Variants in TSHB observed in about 807,000 individuals in gnomAD.
TSHB encodes thyrotropin subunit beta.
A neutral mutation model predicts 9.3 loss-of-function variants in TSHB; 9 were observed. The ratio of observed to expected loss-of-function variants is 0.97; its 90% CI spans 0.58 to 1.69. TSHB has a LOEUF of 1.69. Among genes scored for constraint, TSHB ranks in the 40% most tolerant of loss-of-function variants. TSHB has a pLI of 0.00. For missense variants in TSHB, 182 were observed against 168.5 expected, an observed-to-expected ratio of 1.08 and a Z score of -0.44; for synonymous variants, 57 against 57.2, an observed-to-expected ratio of 1.00 and a Z score of 0.01.
At chr1:115,030,768 A>C (rs911739231) in intron 1 of TSHB, among the ~76,000 whole-genome samples, 1 of 152,054 alleles carries the variant, frequency 6.6e-6, no homozygotes, top group Non-Finnish European at 1.5e-5. Flanking sequence ...GATGACAATG[A>C]GGAAGAAATT....
In TSHB at chr1:115,031,363, AC is replaced by A. The variant is rs1674891297; in HGVS notation, c.-2+1504del. Among the ~76,000 whole-genome samples, 12 of 152,108 alleles carry A rather than the reference AC, an allele frequency of 7.9e-5. No individual in the cohort carries two copies. In the South Asian group the frequency reaches 2.5e-3, roughly 32 times the overall value. ...GAAAACCAAAACAAATTTTCATCCT[AC>A]ATTTTAAAAAGGGTCAGGTGTACTT... is the stretch of plus-strand genomic sequence containing the variant. On this transcript the variant is annotated intron_variant, in intron 1 of 2. Coordinates refer to ENST00000256592, the MANE Select transcript of TSHB (RefSeq NM_000549.5).
chr1:115,030,739 T>G (rs1479151621), intron 1 of TSHB, among the ~76,000 whole-genome samples: 2 of 152,002 alleles, frequency 1.3e-5, no homozygotes, highest in Non-Finnish European at 2.9e-5. Flanking sequence ...AGCAATTAAG[T>G]GGCAAAGATG....
Position 115,034,077 on chromosome 1 carries a change from C to T in TSHB, c.267C>T (p.Leu89=), listed in dbSNP as rs1390726604. Residue 89 remains leucine (L), a synonymous_variant, in exon 3 of 3, where the codon CTC becomes CTT. Transcript: ENST00000256592. ...YRTVEIPGCP[L]HVAPYFSYPV... ...CTGTAGAAATACCAGGATGCCCACTCCATGTTGCTCCCTATTTTTCCTATC... is the reference window on the plus strand; with the variant it reads ...CTGTAGAAATACCAGGATGCCCACTTCATGTTGCTCCCTATTTTTCCTATC... The T allele has an allele frequency of 5.0e-6, 8 of 1,613,716 alleles. No homozygotes were observed. The highest frequency in any genetic ancestry group is 6.8e-6 in the Non-Finnish European group (8 of 1,179,808).
At position 115,033,404 on chromosome 1, in the gene TSHB, A is replaced by T; in HGVS notation, c.42A>T (p.Thr14=). The T allele has an allele frequency of 6.2e-7, 1 of 1,613,282 alleles. No individual in the cohort carries two copies. Among genetic ancestry groups the T allele is most frequent in the Non-Finnish European group, 8.5e-7 (1 of 1,179,436 alleles). ...LFLMSMLFGL[T]CGQAMSFCIP... Reference sequence around the variant, plus strand: ...TGATGTCCATGCTTTTTGGCCTTACATGTGGGCAAGCGATGTCTTTTTGTA... The same window carrying T: ...TGATGTCCATGCTTTTTGGCCTTACTTGTGGGCAAGCGATGTCTTTTTGTA... The change falls in exon 2 of 3, where the codon ACA becomes ACT. Residue 14 remains threonine (T), a synonymous_variant. Coordinates refer to ENST00000256592, the MANE Select transcript of TSHB (RefSeq NM_000549.5).
chr1:115,033,973 G>A lies in TSHB; in HGVS notation c.163G>A (p.Asp55Asn). ...TICAGYCMTR[D>N]INGKLFLPKY... The stretch of plus-strand genomic sequence containing the variant: ...GCTCTCTTTTCTGTTCTTTCCCCAG[G>A]ATATCAATGGCAAACTGTTTCTTCC... Residue 55 changes from aspartate to asparagine, a missense_variant and splice_region_variant, in exon 3 of 3, where the codon GAT becomes AAT. Asp to Asn is a conservative substitution (Grantham distance 23). Coordinates refer to ENST00000256592, the MANE Select transcript of TSHB (RefSeq NM_000549.5). 6.2e-7 allele frequency: 1 copy of A among 1,613,122 alleles called. No individual in the cohort carries two copies. Among genetic ancestry groups the A allele is most frequent in the Non-Finnish European group, 8.5e-7 (1 of 1,179,612 alleles).
chr1:115,032,336 G>A (rs1288917273), intron 1 of TSHB, among the ~76,000 whole-genome samples: 1 of 151,928 alleles, frequency 6.6e-6, no homozygotes, highest in Non-Finnish European at 1.5e-5. Flanking sequence ...GAACCTATGA[G>A]GTTTCAGTTT....
Position 115,033,509 on chromosome 1 carries a change from A to G in TSHB, c.147A>G (p.Gly49=). 1 of 1,613,144 alleles carries G rather than the reference A, an allele frequency of 6.2e-7. No homozygotes were observed. The highest frequency in any genetic ancestry group is 8.5e-7 in the Non-Finnish European group (1 of 1,179,198). ...CLTINTTICA[G]YCMTRDINGK... ...CCATCAACACCACCATCTGTGCTGG[A>G]TATTGTATGACACGGGTATGTAGTT... Residue 49 remains glycine (G), a synonymous_variant, in exon 2 of 3, where the codon GGA becomes GGG. Transcript: ENST00000256592.
intron 2 of TSHB, 143 bp downstream of exon 2, chr1:115,033,667 A>T: frequency 1.2e-6 from 1 of 835,622 alleles, no homozygotes; most frequent in South Asian, 1.4e-5. Flanking sequence ...CAGAGTACAC[A>T]GGTTACAATA....
chr1:115,030,286 A>G (rs1674868259), intron 1 of TSHB, among the ~76,000 whole-genome samples: 1 of 152,022 alleles, frequency 6.6e-6, no homozygotes, highest in African/African-American at 2.4e-5. Context: ...TGCTGGGGTA[A>G]TGTACTCTGT....
intron 1 of TSHB, 107 bp from the exon 2 acceptor site, chr1:115,033,255 T>C: frequency 1.0e-6 from 1 of 998,308 alleles, no homozygotes; most frequent in East Asian, 2.5e-5. Context: ...ATTATAAGCA[T>C]GATCATATGC....
At chr1:115,030,787 T>C (rs974553925) in intron 1 of TSHB, among the ~76,000 whole-genome samples, 3 of 152,020 alleles carry the variant, frequency 2.0e-5, no homozygotes, top group South Asian at 2.1e-4. Context: ...TTGTGGCATA[T>C]CACAGAGGAA....
At position 115,034,296 on chromosome 1, in the gene TSHB, C is replaced by A; in HGVS notation, c.*69C>A. ...TAAAGCTAATAAAAATATTATGTTT[C>A]ACATTATCTTCTGTTCATTTTGAGT... On this transcript the variant is annotated 3_prime_UTR_variant, in exon 3 of 3. Transcript: ENST00000256592. The A allele has an allele frequency of 6.6e-7, 1 of 1,520,034 alleles. No individual in the cohort carries two copies. The highest frequency in any genetic ancestry group is 9.1e-7 in the Non-Finnish European group (1 of 1,097,076). The allele number at this position is 1,520,034 out of a possible 1,614,324, so 94.2% of individuals were successfully genotyped here.
chr1:115,033,565 A>G, intron 2 of TSHB, 41 bp downstream of exon 2: 1 of 1,539,130 alleles, frequency 6.5e-7, no homozygotes, highest in Non-Finnish European at 9.0e-7. Context: ...TAAATTATAT[A>G]AGCCCTGAAG....
rs1674940918 is a variant in TSHB, at chr1:115,033,514, G to A, written c.152G>A (p.Cys51Tyr). 2 of 1,612,900 alleles carry A rather than the reference G, an allele frequency of 1.2e-6. No homozygotes were observed. The highest frequency in any genetic ancestry group is 1.7e-5 in the Admixed American group (1 of 59,962). ...TINTTICAGY[C>Y]MTRDINGKLF... ...AACACCACCATCTGTGCTGGATATT[G>A]TATGACACGGGTATGTAGTTCATGT... The change falls in exon 2 of 3, where the codon TGT becomes TAT. Residue 51 changes from cysteine (C) to tyrosine (Y), a missense_variant. Cys to Tyr is a radical substitution (Grantham distance 194, BLOSUM62 -2). Transcript: ENST00000256592.
chr1:115,033,555 T>C (rs538941707), intron 2 of TSHB, 31 bp downstream of exon 2: 1 of 1,576,500 alleles, frequency 6.3e-7, no homozygotes, highest in Admixed American at 1.7e-5. Flanking sequence ...CTTTTGGCTG[T>C]AAATTATATA....
chr1:115,033,961 T>C lies in TSHB; in HGVS notation c.163-12T>C. ...CTGTCACATTATGCTCTCTTTTCTG[T>C]TCTTTCCCCAGGATATCAATGGCAA... On this transcript the variant is annotated splice_polypyrimidine_tract_variant and intron_variant, in intron 2 of 2. Coordinates refer to ENST00000256592, the MANE Select transcript of TSHB (RefSeq NM_000549.5). 1 of 1,612,852 alleles carries C rather than the reference T, an allele frequency of 6.2e-7. No individual in the cohort carries two copies. The highest frequency in any genetic ancestry group is 1.7e-4 in the Middle Eastern group (1 of 6,060).
intron 2 of TSHB, 35 bp downstream of exon 2, chr1:115,033,559 T>A (rs778795849): frequency 6.4e-7 from 1 of 1,570,594 alleles, no homozygotes; most frequent in South Asian, 1.1e-5. Context: ...TGGCTGTAAA[T>A]TATATAAGCC....
chr1:115,033,304 G>C lies in TSHB; in HGVS notation c.-1-58G>C, dbSNP rs1312729325. 1.9e-6 allele frequency: 3 copies of C among 1,555,668 alleles called. No homozygotes were observed. The African/African-American group carries it at 4.1e-5, about 21-fold the overall frequency. On this transcript the variant is annotated intron_variant, in intron 1 of 2. Transcript: ENST00000256592. ...TGAAGTTTGGTTATACTTTTTCTTG[G>C]TTTCTTTGCCCTTTCTGATTTTAAC...
At chr1:115,032,542 A>G (rs1429980736) in intron 1 of TSHB, among the ~76,000 whole-genome samples, 1 of 152,020 alleles carries the variant, frequency 6.6e-6, no homozygotes, top group Non-Finnish European at 1.5e-5. Context: ...ACTGACAATG[A>G]TACTTGAGAA....
Sources: allele counts gnomAD v4.1 joint callset (sites outside exome capture counted in the v4.1 genomes callset), GRCh38; gene constraint gnomAD v4.1.1; transcripts MANE v1.5; gene names NCBI Gene and HGNC (gene_info 2026-07-23, HGNC 2026-07-21).